GLCCI1: variants seen among roughly 807,000 people sequenced by gnomAD.
GLCCI1 encodes glucocorticoid induced 1, also known as glucocorticoid-induced transcript 1 protein.
GLCCI1 carries 24 observed loss-of-function variants against 52.2 expected under a neutral mutation model. The ratio of observed to expected loss-of-function variants is 0.46; its 90% confidence interval spans 0.33 to 0.65. The LOEUF (loss-of-function observed/expected upper bound fraction) is 0.65, where lower values mean the gene tolerates loss of function less well. GLCCI1 is among the 30% of genes least tolerant of loss of function. GLCCI1 has a pLI of 0.02. For synonymous variants in GLCCI1, 310 were observed against 276.5 expected (o/e 1.12, Z -1.20); for missense variants, 704 against 701.5 (o/e 1.00, Z -0.04).
rs528042199 is a variant in GLCCI1, at chr7:7,969,360, G to GCCT, written c.28_30dup (p.Ser13dup). ...GGCCCGCAGAGCCACCATGTCCACT[G>GCCT]CCTCCTCCTCCTCCTCCTCCAGTTC... is the stretch of plus-strand genomic sequence containing the variant. On this transcript the variant is annotated inframe_insertion, in exon 1 of 8. Transcript: ENST00000223145. This position sits in a 1 kb window ranked among gnomAD's most constrained non-coding sequence, Gnocchi z 4.9. 5.2e-4 allele frequency: 768 copies of GCCT among 1,465,148 alleles called. 2 individuals carry two copies. Among genetic ancestry groups the GCCT allele is most frequent in the African/African-American group, 4.6e-3 (313 of 68,686 alleles). The allele number at this position is 1,465,148 out of a possible 1,614,324, so 90.8% of individuals were successfully genotyped here.
chr7:8,055,605 G>T, intron 4 of GLCCI1, 56 bp downstream of exon 4: 2 of 1,001,252 alleles, frequency 2.0e-6, no homozygotes, highest in South Asian at 1.3e-5. Flanking sequence ...TTAAGGAAGG[G>T]AATTCATCAT....
intron 3 of GLCCI1, among the ~76,000 whole-genome samples, chr7:8,039,019 A>G (rs1418033438): frequency 6.6e-6 from 1 of 152,184 alleles, no homozygotes; most frequent in East Asian, 1.9e-4. Flanking sequence ...AATGCTCAGT[A>G]TCACTAATTA....
chr7:8,004,136 A>G, intron 2 of GLCCI1, 77 bp downstream of exon 2: 2 of 1,284,952 alleles, frequency 1.6e-6, no homozygotes, highest in Admixed American at 4.8e-5. Context: ...AATGTAATAT[A>G]ATCAAATTTC....
At chr7:8,039,250 A>G (rs903156476) in intron 3 of GLCCI1, among the ~76,000 whole-genome samples, 2 of 152,210 alleles carry the variant, frequency 1.3e-5, no homozygotes, top group Non-Finnish European at 2.9e-5. Context: ...ACTACTGGGT[A>G]TCTACCCAAA....
chr7:8,025,072 T>G (rs976039773), intron 3 of GLCCI1, among the ~76,000 whole-genome samples: 2 of 152,104 alleles, frequency 1.3e-5, no homozygotes, highest in Non-Finnish European at 2.9e-5. Context: ...ACTAGTTGAG[T>G]TTAATAGAAA....
chr7:8,015,935 C>T (rs570748494), intron 2 of GLCCI1, among the ~76,000 whole-genome samples: 1 of 152,266 alleles, frequency 6.6e-6, no homozygotes, highest in South Asian at 2.1e-4. Flanking sequence ...TGTTTTTCTT[C>T]ATTGCTTTCT....
At chr7:8,036,092 C>A (rs1360089074) in intron 3 of GLCCI1, among the ~76,000 whole-genome samples, 7 of 152,190 alleles carry the variant, frequency 4.6e-5, no homozygotes, top group Non-Finnish European at 1.0e-4. Flanking sequence ...CTGGCCTTTA[C>A]ACATAAGCAC....
chr7:8,009,149 A>T (rs1781210929), intron 2 of GLCCI1, among the ~76,000 whole-genome samples: 1 of 152,234 alleles, frequency 6.6e-6, no homozygotes, highest in African/African-American at 2.4e-5. Context: ...CCTTGTAGAA[A>T]GAAAAACTAA....
At chr7:8,077,840 G>A (rs1364712055) in intron 6 of GLCCI1, among the ~76,000 whole-genome samples, 1 of 152,180 alleles carries the variant, frequency 6.6e-6, no homozygotes, top group African/African-American at 2.4e-5. Flanking sequence ...GCATTCAGCT[G>A]TGAAAGGGCC....
intron 3 of GLCCI1, among the ~76,000 whole-genome samples, chr7:8,054,348 C>CTTTAT (rs1207330240): frequency 2.0e-5 from 3 of 152,046 alleles, no homozygotes; most frequent in Admixed American, 6.6e-5. Context: ...GTATCTTTTG[C>CTTTAT]AAGCACATTT....
chr7:8,085,969 G>GT (rs1260197997), intron 7 of GLCCI1, among the ~76,000 whole-genome samples: 9 of 152,032 alleles, frequency 5.9e-5, no homozygotes, highest in Non-Finnish European at 1.2e-4. Context: ...TGCCTTCCTG[G>GT]TTCTTTTGAA....
rs73674760 is a variant in GLCCI1 at position 7,992,959 on chromosome 7, C to T, written c.458-10949C>T. Among the ~76,000 whole-genome samples the T allele has an allele frequency of 3.8e-3, 574 of 151,998 alleles. 2 individuals are homozygous for T. Among genetic ancestry groups the T allele is most frequent in the African/African-American group, 0.013 (533 of 41,440 alleles). The stretch of plus-strand genomic sequence containing the variant: ...TCCTTGCTGTCAAACACATCATTTC[C>T]GAGTATTTTTTAAGTAATGAGGTTT... On this transcript the variant is annotated intron_variant, in intron 1 of 7. Coordinates refer to ENST00000223145, the MANE Select transcript of GLCCI1 (RefSeq NM_138426.4).
intron 5 of GLCCI1, among the ~76,000 whole-genome samples, chr7:8,060,903 C>T (rs2127960856): frequency 6.6e-6 from 1 of 152,220 alleles, no homozygotes; most frequent in Admixed American, 6.5e-5. Context: ...AGACTCTTTT[C>T]CAAAGTGTCT....
At chr7:8,035,792 TC>T (rs1389339170) in intron 3 of GLCCI1, among the ~76,000 whole-genome samples, 3 of 152,200 alleles carry the variant, frequency 2.0e-5, no homozygotes, top group Admixed American at 1.3e-4. Context: ...CAAATCATGT[TC>T]CTGCCTGCCT....
intron 2 of GLCCI1, among the ~76,000 whole-genome samples, chr7:8,009,789 G>A (rs1018306760): frequency 6.6e-6 from 1 of 152,028 alleles, no homozygotes; most frequent in Admixed American, 6.5e-5. Context: ...AATATGCAAA[G>A]TATAACCCTT....
Position 8,086,752 on chromosome 7 carries a change from C to T in GLCCI1, c.*214C>T. On this transcript the variant is annotated 3_prime_UTR_variant, in exon 8 of 8. Transcript: ENST00000223145. The surrounding 1 kb of genome is among the most constrained non-coding windows in gnomAD (Gnocchi z 4.4). The stretch of plus-strand genomic sequence containing the variant: ...ATGCTTGCAAAACGTGTGTGTCATT[C>T]AGCATTTTAAGTGGAGACTATGCAT... 1 of 542,404 alleles carries T rather than the reference C, an allele frequency of 1.8e-6. No homozygotes were observed. Among genetic ancestry groups the T allele is most frequent in the Non-Finnish European group, 3.2e-6 (1 of 308,750 alleles). 33.6% of individuals were successfully genotyped at this position (542,404 alleles called of 1,614,324 possible).
chr7:8,011,731 A>C (rs1361094140), intron 2 of GLCCI1, among the ~76,000 whole-genome samples: 1 of 152,176 alleles, frequency 6.6e-6, no homozygotes, highest in African/African-American at 2.4e-5. Flanking sequence ...ACTGTCTTCC[A>C]CTATGGCTGT....
rs541723091 is a variant in GLCCI1 at position 7,986,244 on chromosome 7, G to T, written c.457+16437G>T. Among the ~76,000 whole-genome samples, 3 of 152,104 alleles carry T rather than the reference G, an allele frequency of 2.0e-5. No individual in the cohort carries two copies. In the South Asian group the frequency reaches 6.2e-4, roughly 32 times the overall value. On this transcript the variant is annotated intron_variant, in intron 1 of 7. Transcript: ENST00000223145. Reference sequence around the variant, plus strand: ...GTGACCTAGTGTGGCCAGGCACAGTGGCTCCTGCCTGTAATCCCAGCACTC... The same window carrying T: ...GTGACCTAGTGTGGCCAGGCACAGTTGCTCCTGCCTGTAATCCCAGCACTC...
Position 8,086,643 on chromosome 7 carries a change from C to T in GLCCI1, c.*105C>T, listed in dbSNP as rs1219242879. On this transcript the variant is annotated 3_prime_UTR_variant, in exon 8 of 8. Coordinates refer to ENST00000223145, the MANE Select transcript of GLCCI1 (RefSeq NM_138426.4). This position sits in a 1 kb window ranked among gnomAD's most constrained non-coding sequence, Gnocchi z 4.4. Reference sequence around the variant, plus strand: ...CTGAACACCACCACCACCAATAATACTTATCAGCATCATAAAGTATCTCTT... The same window carrying T: ...CTGAACACCACCACCACCAATAATATTTATCAGCATCATAAAGTATCTCTT... 5 of 855,988 alleles carry T rather than the reference C, an allele frequency of 5.8e-6. No individual in the cohort carries two copies. Among genetic ancestry groups the T allele is most frequent in the South Asian group, 1.7e-5 (1 of 59,678 alleles). 53.0% of individuals were successfully genotyped at this position (855,988 alleles called of 1,614,324 possible).
Sources: gnomAD v4.1 joint callset for allele counts (sites outside exome capture counted in the v4.1 genomes callset) on GRCh38, gnomAD v4.1.1 for gene constraint, Gnocchi (gnomAD v3.1) non-coding constraint, MANE v1.5 for transcripts, NCBI Gene and HGNC (gene_info 2026-07-23, HGNC 2026-07-21) for gene names.